The following CAMTA1 variants were observed in gnomAD, a reference collection of about 807,000 sequenced individuals.
CAMTA1 encodes calmodulin-binding transcription activator 1.
CAMTA1 carries 27 observed loss-of-function variants against 170.9 expected under a neutral mutation model. The observed-to-expected ratio is 0.16, with a 90% CI of 0.12 to 0.22. The LOEUF is 0.22. CAMTA1 is among the 10% of genes least tolerant of loss of function. The pLI is 1.00. For synonymous variants in CAMTA1, 833 were observed against 891.5 expected (o/e 0.93, Z 1.17); for missense variants, 1,619 against 2,217.2 (o/e 0.73, Z 5.42).
intron 3 of CAMTA1, among the ~76,000 whole-genome samples, chr1:6,939,748 C>T (rs950707934): frequency 1.3e-5 from 2 of 152,236 alleles, no homozygotes; most frequent in African/African-American, 2.4e-5. Flanking sequence ...AAGCAAACCC[C>T]GGTCACCCTT....
intron 3 of CAMTA1, among the ~76,000 whole-genome samples, chr1:6,920,174 G>T (rs1557827481): frequency 6.6e-6 from 1 of 152,174 alleles, no homozygotes; most frequent in Admixed American, 6.5e-5. Context: ...AGATGCTTCG[G>T]GGGTACATGT....
chr1:7,667,089 A>G (rs2096007995), intron 9 of CAMTA1, among the ~76,000 whole-genome samples: 1 of 151,920 alleles, frequency 6.6e-6, no homozygotes, highest in African/African-American at 2.4e-5. Flanking sequence ...GGGTTTCACC[A>G]TGTTTCCCAG....
intron 3 of CAMTA1, among the ~76,000 whole-genome samples, chr1:6,878,304 A>G (rs1571283879): frequency 6.6e-6 from 1 of 152,252 alleles, no homozygotes; most frequent in South Asian, 2.1e-4. Context: ...CATCAAAGTT[A>G]TGTCCCAACC....
At chr1:6,960,721 G>A (rs1009042645) in intron 3 of CAMTA1, among the ~76,000 whole-genome samples, 5 of 152,228 alleles carry the variant, frequency 3.3e-5, no homozygotes, top group African/African-American at 1.2e-4. Flanking sequence ...CTCTGCCTTT[G>A]TGTCATTGTG....
rs956792173 is a variant in CAMTA1 at position 7,732,993 on chromosome 1, C to T, written c.3066+394C>T. Among the ~76,000 whole-genome samples, 1 of 151,924 alleles carries T rather than the reference C, an allele frequency of 6.6e-6. No individual in the cohort carries two copies. The highest frequency in any genetic ancestry group is 1.9e-4 in the East Asian group (1 of 5,176). On this transcript the variant is annotated intron_variant, in intron 12 of 22. Transcript: ENST00000303635. This position sits in a 1 kb window ranked among gnomAD's most constrained non-coding sequence, Gnocchi z 4.1. Reference sequence around the variant, plus strand: ...AGGATTGCTTGAGCCCAGGAGTTCACGACCAGCCTGAGCAACATACTGAGA... The same window carrying T: ...AGGATTGCTTGAGCCCAGGAGTTCATGACCAGCCTGAGCAACATACTGAGA...
intron 3 of CAMTA1, among the ~76,000 whole-genome samples, chr1:6,939,641 A>G (rs1686074487): frequency 6.6e-6 from 1 of 152,004 alleles, no homozygotes; most frequent in Admixed American, 6.6e-5. Context: ...CTTCCTCTCC[A>G]CCTTCTGCTG....
chr1:7,310,604 CTTT>C (rs1676329241), intron 5 of CAMTA1, among the ~76,000 whole-genome samples: 2 of 9,588 alleles, frequency 2.1e-4, no homozygotes, highest in South Asian at 4.3e-3. Flanking sequence ...CTTTTCTTTT[CTTT>C]CTTTCTTTCT....
chr1:7,283,696 C>G (rs1671834921), intron 5 of CAMTA1, among the ~76,000 whole-genome samples: 1 of 152,208 alleles, frequency 6.6e-6, no homozygotes, highest in South Asian at 2.1e-4. Context: ...ACCTTCTTAG[C>G]CCTCTATCAC....
At chr1:7,259,522 G>A (rs1034174610) in intron 5 of CAMTA1, among the ~76,000 whole-genome samples, 1 of 152,224 alleles carries the variant, frequency 6.6e-6, no homozygotes. Flanking sequence ...AATTTGGAAA[G>A]GATTGGGACA....
chr1:6,795,773 C>T (rs902378586), intron 1 of CAMTA1, among the ~76,000 whole-genome samples: 2 of 152,154 alleles, frequency 1.3e-5, no homozygotes, highest in Non-Finnish European at 2.9e-5. Flanking sequence ...ATGACGTCAG[C>T]ATTTTCATTC....
At chr1:7,510,061 C>T (rs1400842044) in intron 6 of CAMTA1, among the ~76,000 whole-genome samples, 5 of 108,860 alleles carry the variant, frequency 4.6e-5, no homozygotes, top group Non-Finnish European at 6.7e-5. Flanking sequence ...CCCCTTTGTA[C>T]AAGCTCCTGA....
At chr1:6,997,656 C>CTTTTTTTT (rs201500847) in intron 3 of CAMTA1, among the ~76,000 whole-genome samples, 32 of 128,382 alleles carry the variant, frequency 2.5e-4, no homozygotes, top group African/African-American at 5.9e-4. Context: ...CCTTTCTTTT[C>CTTTTTTTT]TTTCTTTTTT....
rs905055039 is a variant in CAMTA1 at position 7,532,561 on chromosome 1, C to T, written c.510+64660C>T. ...AATCAATCCTCCCATTTCGGCCCCC[C>T]GAGTTCAGCTTCTTTCTTTAATCCA... On this transcript the variant is annotated intron_variant, in intron 6 of 22. Transcript: ENST00000303635. This position sits in a 1 kb window ranked among gnomAD's most constrained non-coding sequence, Gnocchi z 4.2. 3.9e-5 allele frequency among the ~76,000 whole-genome samples: 6 copies of T among 152,314 alleles called. No individual in the cohort carries two copies. Among genetic ancestry groups the T allele is most frequent in the Admixed American group, 3.3e-4 (5 of 15,304 alleles).
At chr1:7,316,596 C>T (rs1339997055) in intron 5 of CAMTA1, among the ~76,000 whole-genome samples, 2 of 152,156 alleles carry the variant, frequency 1.3e-5, no homozygotes, top group Admixed American at 1.3e-4. Context: ...ATCTAGTGTT[C>T]GTAACAATTC....
At position 7,661,802 on chromosome 1, in the gene CAMTA1, C is replaced by T. The variant is rs753724058; in HGVS notation, c.741C>T (p.Ile247=). ...GFSVEQLVQQ[I]LDSHQTKPQP... is the part of the protein sequence containing the mutation. ...CGGTGGAACAGCTGGTGCAGCAGAT[C>T]CTCGACAGCCACCAGACCAAGCCCC... Residue 247 remains isoleucine, a synonymous_variant, in exon 8 of 23, where the codon ATC becomes ATT. Coordinates refer to ENST00000303635, the MANE Select transcript of CAMTA1 (RefSeq NM_015215.4). 1.3e-5 allele frequency: 21 copies of T among 1,613,624 alleles called. No homozygotes were observed. The highest frequency in any genetic ancestry group is 8.5e-7 in the Non-Finnish European group (1 of 1,179,976).
chr1:7,055,910 G>A (rs1002492267), intron 3 of CAMTA1, among the ~76,000 whole-genome samples: 4 of 152,276 alleles, frequency 2.6e-5, no homozygotes, highest in East Asian at 1.9e-4. Context: ...GAGTTACAGC[G>A]AGTCCCCTGC....
At chr1:7,151,725 G>GGCTGCTGGT (rs1646591221) in intron 4 of CAMTA1, among the ~76,000 whole-genome samples, 1 of 152,206 alleles carries the variant, frequency 6.6e-6, no homozygotes, top group Non-Finnish European at 1.5e-5. Context: ...GGACATGGCA[G>GGCTGCTGGT]GCTGCTGGTG....
chr1:7,099,794 C>T (rs889273442), intron 4 of CAMTA1, among the ~76,000 whole-genome samples: 3 of 152,204 alleles, frequency 2.0e-5, no homozygotes, highest in African/African-American at 7.2e-5. Flanking sequence ...TGCTGGTGGT[C>T]TGGGAGCCAA....
intron 3 of CAMTA1, among the ~76,000 whole-genome samples, chr1:6,984,203 G>A (rs1259346914): frequency 6.6e-6 from 1 of 150,554 alleles, no homozygotes; most frequent in Non-Finnish European, 1.5e-5. Context: ...GGGATGGGTG[G>A]GTTGATGGGT....
Sources: allele counts gnomAD v4.1 joint callset (sites outside exome capture counted in the v4.1 genomes callset), GRCh38; gene constraint gnomAD v4.1.1; non-coding constraint Gnocchi (gnomAD v3.1); transcripts MANE v1.5; gene names NCBI Gene and HGNC (gene_info 2026-07-23, HGNC 2026-07-21).